The following RANBP9 variants were observed in gnomAD, a reference collection of about 807,000 sequenced individuals.
RANBP9 encodes RAN binding protein 9.
In RANBP9, 15 loss-of-function variants were observed where a neutral mutation model predicts 84.3. The ratio of observed to expected loss-of-function variants is 0.18; its 90% CI spans 0.12 to 0.27. RANBP9 has a LOEUF of 0.27. Ranked by LOEUF, RANBP9 falls within the 10% of genes least tolerant of loss-of-function variation. The probability of loss-of-function intolerance (pLI) is 1.00; values close to 1 mark genes in which losing one functional copy is unlikely to be tolerated. For synonymous variants in RANBP9, 392 were observed against 349.6 expected, an observed-to-expected ratio of 1.12 and a Z score of -1.35; for missense variants, 809 against 912.8, an observed-to-expected ratio of 0.89 and a Z score of 1.46.
At chr6:13,677,138 G>GGAAAAAAT (rs538000818) in intron 2 of RANBP9, among the ~76,000 whole-genome samples, 69 of 152,106 alleles carry the variant, frequency 4.5e-4, no homozygotes, top group African/African-American at 1.6e-3. Context: ...AAAACCTCTT[G>GGAAAAAAT]GAAAAAATAA....
rs141886807 is a variant in RANBP9 at position 13,691,294 on chromosome 6, A to G, written c.683+5491T>C. 3.6e-3 allele frequency among the ~76,000 whole-genome samples: 553 copies of G among 152,288 alleles called. 4 individuals are homozygous for G. Among genetic ancestry groups the G allele is most frequent in the African/African-American group, 0.013 (527 of 41,568 alleles). On this transcript the variant is annotated intron_variant, in intron 2 of 13. Transcript: ENST00000011619. ...CTAATAAATTTATTTAGCTGCACAT[A>G]TACAAAACTTAGGTTCAGTTTAAAT...
intron 1 of RANBP9, among the ~76,000 whole-genome samples, chr6:13,700,915 C>T (rs1289973507): frequency 6.6e-6 from 1 of 152,146 alleles, no homozygotes; most frequent in East Asian, 1.9e-4. Context: ...TGCATAAGTC[C>T]TGTTACTTTT....
At chr6:13,679,479 C>CA (rs1765979117) in intron 2 of RANBP9, among the ~76,000 whole-genome samples, 1 of 152,118 alleles carries the variant, frequency 6.6e-6, no homozygotes, top group Non-Finnish European at 1.5e-5. Flanking sequence ...AACAACAAAA[C>CA]ACAAAATAAC....
chr6:13,653,257 GCA>G (rs1274323228), intron 4 of RANBP9, among the ~76,000 whole-genome samples: 3 of 152,062 alleles, frequency 2.0e-5, no homozygotes, highest in East Asian at 1.9e-4. Flanking sequence ...GAACGATTTT[GCA>G]CAGTTTAGAA....
At position 13,711,018 on chromosome 6, in the gene RANBP9, G is replaced by C; in HGVS notation, c.488C>G (p.Thr163Arg). ...RLYPAVDEQE[T>R]PLPRSWSPKD... is the part of the protein sequence containing the mutation. ...CGGGCTCCAGGACCGAGGCAGCGGC[G>C]TCTCTTGTTCGTCCACGGCCGGGTA... Residue 163 changes from threonine (T) to arginine (R), a missense_variant, in exon 1 of 14, where the codon ACG becomes AGG. This residue lies in a region of RANBP9 where 302 missense variants were observed against 240.1 expected (regional missense o/e 1.26). Transcript: ENST00000011619. 6.2e-7 allele frequency: 1 copy of C among 1,605,218 alleles called. No homozygotes were observed. The highest frequency in any genetic ancestry group is 8.5e-7 in the Non-Finnish European group (1 of 1,176,396).
chr6:13,688,146 T>C (rs1766235382), intron 2 of RANBP9, among the ~76,000 whole-genome samples: 1 of 152,204 alleles, frequency 6.6e-6, no homozygotes, highest in South Asian at 2.1e-4. Flanking sequence ...ATTATTTCCT[T>C]TTCACAGACT....
At chr6:13,634,392 T>A in intron 11 of RANBP9, 39 bp downstream of exon 11, 5 of 1,599,636 alleles carry the variant, frequency 3.1e-6, no homozygotes, top group Non-Finnish European at 3.4e-6. Flanking sequence ...CTTGTAGCCA[T>A]CATTTTTTAT....
At chr6:13,630,614 G>A (rs1764751818) in intron 12 of RANBP9, among the ~76,000 whole-genome samples, 5 of 152,054 alleles carry the variant, frequency 3.3e-5, no homozygotes, top group Admixed American at 2.6e-4. Flanking sequence ...ACCTTTCAGG[G>A]GATCTGTGAA....
intron 2 of RANBP9, among the ~76,000 whole-genome samples, chr6:13,672,759 G>A (rs1031129046): frequency 1.3e-5 from 2 of 151,858 alleles, no homozygotes; most frequent in African/African-American, 2.4e-5. Context: ...TCATTAAAAT[G>A]CTAAGGGCTA....
chr6:13,708,912 A>T (rs1372563869), intron 1 of RANBP9, among the ~76,000 whole-genome samples: 1 of 152,144 alleles, frequency 6.6e-6, no homozygotes, highest in Non-Finnish European at 1.5e-5. Context: ...GACAAGGGGT[A>T]AGAGAGAGAC....
chr6:13,698,523 A>G (rs1757894802), intron 1 of RANBP9, among the ~76,000 whole-genome samples: 1 of 152,208 alleles, frequency 6.6e-6, no homozygotes, highest in Admixed American at 6.5e-5. Context: ...TGTTACAAAT[A>G]AATCTATAGA....
intron 4 of RANBP9, among the ~76,000 whole-genome samples, chr6:13,654,788 C>T (rs1008993955): frequency 3.9e-5 from 6 of 152,222 alleles, no homozygotes; most frequent in Non-Finnish European, 7.3e-5. Context: ...TTGGCCATAG[C>T]TTGTAGACTC....
intron 2 of RANBP9, among the ~76,000 whole-genome samples, chr6:13,696,434 AACTG>A (rs1332022234): frequency 1.3e-5 from 2 of 152,332 alleles, no homozygotes; most frequent in Middle Eastern, 3.4e-3. Flanking sequence ...ATGAATCACC[AACTG>A]ACTATGATTA....
At chr6:13,710,856 G>T in intron 1 of RANBP9, 79 bp downstream of exon 1, 1 of 1,437,094 alleles carries the variant, frequency 7.0e-7, no homozygotes, top group East Asian at 2.7e-5. Context: ...GGGGTCGGGG[G>T]CGGGTCGAGA....
At chr6:13,691,162 T>TAA (rs1766314681) in intron 2 of RANBP9, among the ~76,000 whole-genome samples, 1 of 117,792 alleles carries the variant, frequency 8.5e-6, no homozygotes, top group African/African-American at 3.3e-5. Context: ...AGACTCCGTC[T>TAA]CAAAAAAAAA....
chr6:13,684,555 T>C (rs1040498579), intron 2 of RANBP9, among the ~76,000 whole-genome samples: 3 of 152,206 alleles, frequency 2.0e-5, no homozygotes, highest in Non-Finnish European at 2.9e-5. Context: ...GGGTATATAG[T>C]AAAAAATTGT....
Position 13,657,209 on chromosome 6 carries a change from T to A in RANBP9, c.804A>T (p.Gly268=). Residue 268 remains glycine (G), a synonymous_variant, in exon 4 of 14, where the codon GGA becomes GGT. Coordinates refer to ENST00000011619, the MANE Select transcript of RANBP9 (RefSeq NM_005493.3). ...TAGTGAAAGTTGGTCCATAAGGTTG[T>A]CCAGTTCCAGAAGAACAAAACGAAT... ...DGHSFCSSGT[G]QPYGPTFTTG... is the part of the protein sequence containing the mutation. 6.2e-7 allele frequency: 1 copy of A among 1,613,430 alleles called. No individual in the cohort carries two copies. The highest frequency in any genetic ancestry group is 8.5e-7 in the Non-Finnish European group (1 of 1,179,552).
chr6:13,659,655 C>CTAAT (rs1765496633), intron 2 of RANBP9, among the ~76,000 whole-genome samples: 1 of 152,128 alleles, frequency 6.6e-6, no homozygotes, highest in African/African-American at 2.4e-5. Flanking sequence ...TGTTAAAAGG[C>CTAAT]TAATTGCCCA....
At chr6:13,650,926 T>C (rs986355549) in intron 5 of RANBP9, among the ~76,000 whole-genome samples, 4 of 152,110 alleles carry the variant, frequency 2.6e-5, no homozygotes, top group African/African-American at 9.7e-5. Flanking sequence ...ATCACACCAC[T>C]GCACTCCAAC....
Sources: allele counts gnomAD v4.1 joint callset (sites outside exome capture counted in the v4.1 genomes callset), GRCh38; gene constraint gnomAD v4.1.1; regional missense constraint gnomAD v4.1.1; transcripts MANE v1.5; gene names NCBI Gene and HGNC (gene_info 2026-07-23, HGNC 2026-07-21).